PCNT: variants seen among roughly 807,000 people sequenced by gnomAD.
PCNT encodes pericentrin, also known as kendrin.
In PCNT, 319 loss-of-function variants were observed where a neutral mutation model predicts 380.4. The observed-to-expected ratio is 0.84, with a 90% CI of 0.77 to 0.92. PCNT has a LOEUF of 0.92. Ranked by LOEUF, PCNT falls within the 40% of genes least tolerant of loss-of-function variation. PCNT has a pLI of 0.00. For missense variants in PCNT, 4,400 were observed against 4,255.3 expected, an observed-to-expected ratio of 1.03 and a Z score of -0.95; for synonymous variants, 1,845 against 1,735.2, an observed-to-expected ratio of 1.06 and a Z score of -1.57.
intron 21 of PCNT, among the ~76,000 whole-genome samples, chr21:46,395,627 C>T (rs922700494): frequency 3.3e-5 from 5 of 151,774 alleles, no homozygotes; most frequent in African/African-American, 1.2e-4. Context: ...GACTCAGCAA[C>T]AGAGACTCCA....
chr21:46,410,629 A>T (rs1269912037), intron 27 of PCNT, among the ~76,000 whole-genome samples: 1 of 152,210 alleles, frequency 6.6e-6, no homozygotes, highest in Non-Finnish European at 1.5e-5. Flanking sequence ...ATTTCCTTAC[A>T]TGGCTGAGGA....
chr21:46,397,515 AT>A, intron 22 of PCNT, 21 bp downstream of exon 22: 1 of 1,588,358 alleles, frequency 6.3e-7, no homozygotes, highest in Non-Finnish European at 8.6e-7. Context: ...TGAATAATAC[AT>A]TTTTTTGCAT....
intron 6 of PCNT, 59 bp downstream of exon 6, chr21:46,347,571 C>A: frequency 6.6e-7 from 1 of 1,526,204 alleles, no homozygotes; most frequent in Non-Finnish European, 9.1e-7. Context: ...CCTTTCTCGC[C>A]AGGTCCCATG....
At chr21:46,439,691 C>T (rs1163937248) in intron 41 of PCNT, among the ~76,000 whole-genome samples, 1 of 152,230 alleles carries the variant, frequency 6.6e-6, no homozygotes, top group Non-Finnish European at 1.5e-5. Context: ...GTGGAACCCA[C>T]AGCTGTCGAG....
intron 27 of PCNT, among the ~76,000 whole-genome samples, chr21:46,405,431 C>T (rs1329832625): frequency 1.3e-5 from 2 of 152,244 alleles, no homozygotes; most frequent in Non-Finnish European, 2.9e-5. Flanking sequence ...GGAGCGGTGG[C>T]TCACGCCTGT....
At position 46,390,809 on chromosome 21, in the gene PCNT, C is replaced by T. The variant is rs754367676; in HGVS notation, c.3980C>T (p.Ala1327Val). The T allele has an allele frequency of 4.7e-5, 76 of 1,609,656 alleles. No individual in the cohort carries two copies. Among genetic ancestry groups the T allele is most frequent in the Non-Finnish European group, 5.9e-5 (69 of 1,178,562 alleles). Reference sequence around the variant, plus strand: ...GAGAGCGCAGCAAAGGCAGAGCTGGCGCTGGAGCTGCACAAGACTCAGGGT... The same window carrying T: ...GAGAGCGCAGCAAAGGCAGAGCTGGTGCTGGAGCTGCACAAGACTCAGGGT... ...KEESAAKAELALELHKTQGTL... is the reference protein window; with the variant it reads ...KEESAAKAELVLELHKTQGTL... The change falls in exon 20 of 47, where the codon GCG (alanine) becomes GTG (valine). Residue 1327 changes from alanine (A) to valine (V), a missense_variant. Transcript: ENST00000359568.
At chr21:46,442,394 C>T (rs1046928375) in intron 43 of PCNT, 103 bp from the exon 44 acceptor site, 11 of 750,344 alleles carry the variant, frequency 1.5e-5, no homozygotes, top group South Asian at 2.9e-5. Flanking sequence ...CCATGGGCAG[C>T]GAGGCCCCCA....
chr21:46,345,570 C>A (rs7282858), intron 3 of PCNT, among the ~76,000 whole-genome samples: 19,145 of 152,080 alleles, frequency 0.13, 3,348 homozygotes, highest in African/African-American at 0.4. Flanking sequence ...AATATTTTTC[C>A]TTCTTCTTTT....
Position 46,431,573 on chromosome 21 carries a change from A to C in PCNT, c.8109A>C (p.Arg2703=), listed in dbSNP as rs1232747829. 1.9e-6 allele frequency: 3 copies of C among 1,613,850 alleles called. No homozygotes were observed. In the African/African-American group the frequency reaches 4.0e-5, roughly 22 times the overall value. Residue 2703 remains arginine (R), a synonymous_variant, in exon 38 of 47, where the codon CGA becomes CGC. Coordinates refer to ENST00000359568, the MANE Select transcript of PCNT (RefSeq NM_006031.6). The part of the protein sequence containing the change: ...SLETQRAQSS[R]LCVALKHEQT... Reference sequence around the variant, plus strand: ...AGACACAGCGTGCTCAGAGCAGTCGACTCTGCGTGGCACTGAAACACGAGC... The same window carrying C: ...AGACACAGCGTGCTCAGAGCAGTCGCCTCTGCGTGGCACTGAAACACGAGC...
At chr21:46,428,148 G>A (rs969561434) in intron 34 of PCNT, among the ~76,000 whole-genome samples, 1 of 152,198 alleles carries the variant, frequency 6.6e-6, no homozygotes, top group African/African-American at 2.4e-5. Flanking sequence ...TGGAAATCCT[G>A]TTCCTGCCAG....
At position 46,442,572 on chromosome 21, in the gene PCNT, A is replaced by G; in HGVS notation, c.9699A>G (p.Pro3233=). Residue 3233 remains proline (P), a splice_region_variant and synonymous_variant, in exon 44 of 47, where the codon CCA becomes CCG. Coordinates refer to ENST00000359568, the MANE Select transcript of PCNT (RefSeq NM_006031.6). ...GALAQGKAPR[P]GPRARQPQSP... ...TGGCACAAGGCAAAGCCCCTCGCCC[A>G]GGTGGGACTCCAGCTGCTGTTGACC... 6.3e-7 allele frequency: 1 copy of G among 1,595,656 alleles called. No homozygotes were observed. The highest frequency in any genetic ancestry group is 8.6e-7 in the Non-Finnish European group (1 of 1,163,296).
chr21:46,393,194 G>A (rs2086092624), intron 21 of PCNT, among the ~76,000 whole-genome samples: 1 of 152,164 alleles, frequency 6.6e-6, no homozygotes, highest in South Asian at 2.1e-4. Flanking sequence ...AACCTCCAGG[G>A]CCAGGAGGGC....
intron 34 of PCNT, 90 bp from the exon 35 acceptor site, chr21:46,428,305 C>T (rs927463876): frequency 3.7e-5 from 44 of 1,174,208 alleles, no homozygotes; most frequent in African/African-American, 3.6e-4. Flanking sequence ...CTTGTCCCGG[C>T]GGAGCTGGTT....
At chr21:46,426,055 A>G in intron 33 of PCNT, 84 bp downstream of exon 33, 1 of 1,046,248 alleles carries the variant, frequency 9.6e-7, no homozygotes, top group Non-Finnish European at 1.4e-6. Context: ...CCACGTGGAC[A>G]CTAGGATTTC....
intron 15 of PCNT, among the ~76,000 whole-genome samples, chr21:46,373,323 A>G (rs1042633110): frequency 1.1e-4 from 17 of 151,908 alleles, no homozygotes; most frequent in African/African-American, 4.1e-4. Context: ...CTGGACTATT[A>G]TCGGAATACT....
intron 21 of PCNT, chr21:46,394,501 T>G (rs1003930207): frequency 1.0e-6 from 1 of 984,862 alleles, no homozygotes; most frequent in Admixed American, 6.1e-5. Flanking sequence ...CTCTTGTTCA[T>G]AGGCACAGCT....
At chr21:46,331,062 GA>G (rs1268457167) in intron 2 of PCNT, among the ~76,000 whole-genome samples, 1 of 152,156 alleles carries the variant, frequency 6.6e-6, no homozygotes, top group Non-Finnish European at 1.5e-5. Flanking sequence ...ATGTGTGTGT[GA>G]GGGGGAGGGA....
intron 44 of PCNT, chr21:46,442,783 CAG>C (rs761103785): frequency 2.1e-4 from 131 of 612,642 alleles, no homozygotes; most frequent in Middle Eastern, 7.7e-4. Context: ...ACACAGGTCA[CAG>C]GGGCGTACGG....
chr21:46,429,463 T>C (rs2012217), intron 35 of PCNT, among the ~76,000 whole-genome samples: 91,256 of 138,084 alleles, frequency 0.66, 30,687 homozygotes, highest in African/African-American at 0.78. Flanking sequence ...GGGCCGGCAC[T>C]GTGCGATCGC....
Sources: allele counts gnomAD v4.1 joint callset (sites outside exome capture counted in the v4.1 genomes callset), GRCh38; gene constraint gnomAD v4.1.1; transcripts MANE v1.5; gene names NCBI Gene and HGNC (gene_info 2026-07-23, HGNC 2026-07-21).